ADGRV1: variants seen among roughly 807,000 people sequenced by gnomAD.
ADGRV1 encodes G-protein coupled receptor 98.
Under a neutral mutation model 596.2 loss-of-function variants are expected in ADGRV1, and 359 were observed. The observed-to-expected ratio is 0.60, with a 90% CI of 0.55 to 0.66. The LOEUF (loss-of-function observed/expected upper bound fraction) is 0.66, where lower values mean the gene tolerates loss of function less well. ADGRV1 is among the 30% of genes least tolerant of loss of function. ADGRV1 has a pLI of 0.00. For missense variants in ADGRV1, 7,274 were observed against 7,575.6 expected, an observed-to-expected ratio of 0.96 and a Z score of 1.48; for synonymous variants, 2,681 against 2,679.2, an observed-to-expected ratio of 1.00 and a Z score of -0.02.
chr5:91,069,924 G>A (rs1173395738), intron 85 of ADGRV1, among the ~76,000 whole-genome samples: 11 of 88,366 alleles, frequency 1.2e-4, no homozygotes, highest in Admixed American at 2.4e-4. Flanking sequence ...ATACAATGTA[G>A]CCACAAAAAA....
chr5:90,639,375 A>G (rs1422045833), intron 11 of ADGRV1, among the ~76,000 whole-genome samples: 3 of 152,112 alleles, frequency 2.0e-5, no homozygotes, highest in Non-Finnish European at 4.4e-5. Flanking sequence ...GACAGTTTCT[A>G]CTCTCAACTA....
intron 18 of ADGRV1, 95 bp downstream of exon 18, chr5:90,651,825 G>T: frequency 1.2e-6 from 1 of 811,332 alleles, no homozygotes; most frequent in South Asian, 2.4e-5. Context: ...TTTAAAAATT[G>T]GTTAAGAATT....
At chr5:90,602,296 G>A (rs763673977) in intron 1 of ADGRV1, among the ~76,000 whole-genome samples, 1 of 152,170 alleles carries the variant, frequency 6.6e-6, no homozygotes. Flanking sequence ...AGAAATTTTC[G>A]AAAGGGGAGA....
At chr5:90,919,786 G>C (rs1773708822) in intron 83 of ADGRV1, among the ~76,000 whole-genome samples, 1 of 152,072 alleles carries the variant, frequency 6.6e-6, no homozygotes. Context: ...CCTGAGGTCA[G>C]GAGTTCGAGA....
In ADGRV1 at chr5:90,840,971, C is replaced by T. The variant is rs1765375314; in HGVS notation, c.17005C>T (p.His5669Tyr). 2 of 1,384,804 alleles carry T rather than the reference C, an allele frequency of 1.4e-6. No individual in the cohort carries two copies. Among genetic ancestry groups the T allele is most frequent in the African/African-American group, 1.4e-5 (1 of 69,166 alleles). 85.8% of individuals were successfully genotyped at this position (1,384,804 alleles called of 1,614,324 possible). A position where few individuals can be genotyped will look rare whatever the true frequency, so the allele number is the denominator to read the frequency against. Residue 5669 changes from histidine (H) to tyrosine (Y), a missense_variant, in exon 78 of 90, where the codon CAT (histidine) becomes TAT (tyrosine). By Grantham distance (83) the His-to-Tyr change is moderately conservative. Coordinates refer to ENST00000405460, the MANE Select transcript of ADGRV1 (RefSeq NM_032119.4). ...AGATGAACAACTCAGTGCCATGATG[C>T]ATTTAATAGAAAAGGTAAGTTTTTG... ...NTDEQLSAMM[H>Y]LIEKITTEGK...
intron 89 of ADGRV1, among the ~76,000 whole-genome samples, chr5:91,162,570 G>A (rs4916705): frequency 0.89 from 135,663 of 152,112 alleles, 60,676 homozygotes; most frequent in Non-Finnish European, 0.93. Context: ...GCAGGAGGAA[G>A]TGTATGAGAA....
rs1040515250 is a variant in ADGRV1, at chr5:90,853,529, A to T, written c.17450A>T (p.Asn5817Ile). Reference protein sequence around the residue: ...ISGNNLPTLKNKVLSLSVKGQ... With the variant: ...ISGNNLPTLKIKVLSLSVKGQ... ...GGAAACAATCTTCCTACCCTAAAAA[A>T]TAAGGTAATCTTTCATTCAAAACAC... The change falls in exon 80 of 90, where the codon AAT becomes ATT. Residue 5817 changes from asparagine (N) to isoleucine (I), a missense_variant. Physicochemically the swap from Asn to Ile is moderately radical, Grantham distance 149. Coordinates refer to ENST00000405460, the MANE Select transcript of ADGRV1 (RefSeq NM_032119.4). The T allele has an allele frequency of 2.2e-5, 35 of 1,608,936 alleles. No individual in the cohort carries two copies. The highest frequency in any genetic ancestry group is 2.7e-5 in the Non-Finnish European group (32 of 1,176,784).
At chr5:90,657,551 C>T (rs545469863) in intron 20 of ADGRV1, among the ~76,000 whole-genome samples, 15 of 152,078 alleles carry the variant, frequency 9.9e-5, no homozygotes, top group East Asian at 1.9e-4. Flanking sequence ...TATCCAAATA[C>T]GTGCACATAC....
chr5:90,984,568 G>A (rs1490567523), intron 84 of ADGRV1, among the ~76,000 whole-genome samples: 5 of 152,118 alleles, frequency 3.3e-5, no homozygotes, highest in Non-Finnish European at 7.4e-5. Flanking sequence ...AAGATGTGAT[G>A]TAAATATAAT....
intron 85 of ADGRV1, among the ~76,000 whole-genome samples, chr5:91,047,119 A>C (rs1383477654): frequency 1.3e-5 from 2 of 152,208 alleles, no homozygotes; most frequent in African/African-American, 4.8e-5. Flanking sequence ...ACTATTGTAG[A>C]ATAAAATAGT....
At chr5:91,046,133 T>C (rs777844441) in intron 85 of ADGRV1, among the ~76,000 whole-genome samples, 1 of 151,808 alleles carries the variant, frequency 6.6e-6, no homozygotes, top group Non-Finnish European at 1.5e-5. Flanking sequence ...CAACAAAATA[T>C]CATCATCATT....
At chr5:90,597,084 C>A (rs1760784195) in intron 1 of ADGRV1, among the ~76,000 whole-genome samples, 1 of 152,280 alleles carries the variant, frequency 6.6e-6, no homozygotes, top group South Asian at 2.1e-4. Flanking sequence ...TGGTTTGATA[C>A]ATGTTTGAGG....
chr5:91,143,497 C>A (rs548193753), intron 87 of ADGRV1, among the ~76,000 whole-genome samples: 1 of 152,206 alleles, frequency 6.6e-6, no homozygotes, highest in South Asian at 2.1e-4. Context: ...GTCGTCCCTA[C>A]GTCTGCTCAG....
At chr5:90,638,704 T>C (rs184972557) in intron 11 of ADGRV1, among the ~76,000 whole-genome samples, 81 of 152,238 alleles carry the variant, frequency 5.3e-4, no homozygotes, top group Middle Eastern at 3.4e-3. Context: ...GAGGGCTTTG[T>C]GCAATTCATA....
intron 84 of ADGRV1, among the ~76,000 whole-genome samples, chr5:90,979,903 T>C (rs937551013): frequency 4.6e-5 from 7 of 152,228 alleles, no homozygotes; most frequent in Non-Finnish European, 1.0e-4. Context: ...TTGAATTTTG[T>C]AGATTTTTAA....
At chr5:90,580,122 A>G (rs1031887945) in intron 1 of ADGRV1, among the ~76,000 whole-genome samples, 8 of 152,128 alleles carry the variant, frequency 5.3e-5, no homozygotes, top group Admixed American at 2.0e-4. Context: ...TTTAAGGTTA[A>G]TATTGTTATG....
intron 85 of ADGRV1, among the ~76,000 whole-genome samples, chr5:91,051,829 G>C (rs779439275): frequency 6.6e-6 from 1 of 151,960 alleles, no homozygotes; most frequent in Non-Finnish European, 1.5e-5. Flanking sequence ...ATCTATATTT[G>C]GCATCCTTGT....
chr5:90,829,181 A>G lies in ADGRV1; in HGVS notation c.16606A>G (p.Thr5536Ala), dbSNP rs759179560. The stretch of plus-strand genomic sequence containing the variant: ...ACTAATGATGTCTGTTAACTTTAGT[A>G]CCCAGGTAAGCATGGAATATATATA... ...TGLMMSVNFSTQELRSAETIG... is the reference protein window; with the variant it reads ...TGLMMSVNFSAQELRSAETIG... The change falls in exon 77 of 90, where the codon ACC becomes GCC. Residue 5536 changes from threonine (T) to alanine (A), a missense_variant. Physicochemically the swap from Thr to Ala is moderately conservative, Grantham distance 58. This residue lies in a region of ADGRV1 where 1,874 missense variants were observed against 1,970.2 expected (regional missense o/e 0.95). Transcript: ENST00000405460. The G allele has an allele frequency of 2.0e-6, 3 of 1,519,126 alleles. No individual in the cohort carries two copies. In the African/African-American group the frequency reaches 4.1e-5, roughly 21 times the overall value. The allele number at this position is 1,519,126 out of a possible 1,614,324, so 94.1% of individuals were successfully genotyped here.
chr5:90,800,280 C>A (rs187318777), intron 70 of ADGRV1, among the ~76,000 whole-genome samples: 122 of 152,332 alleles, frequency 8.0e-4, no homozygotes, highest in Middle Eastern at 3.4e-3. Context: ...TGAACAGACA[C>A]TTCTCAGAAG....
Sources: allele counts gnomAD v4.1 joint callset (sites outside exome capture counted in the v4.1 genomes callset), GRCh38; gene constraint gnomAD v4.1.1; regional missense constraint gnomAD v4.1.1; transcripts MANE v1.5; gene names NCBI Gene and HGNC (gene_info 2026-07-23, HGNC 2026-07-21).